SUCLG2: variants seen among roughly 807,000 people sequenced by gnomAD.
The protein encoded by SUCLG2 is succinate--CoA ligase [GDP-forming] subunit beta, mitochondrial.
In SUCLG2, 42 loss-of-function variants were observed where a neutral mutation model predicts 47.9. The observed-to-expected ratio is 0.88, with a 90% CI of 0.69 to 1.14. The LOEUF (loss-of-function observed/expected upper bound fraction) is 1.14, where lower values mean the gene tolerates loss of function less well. SUCLG2 is among the 50% of genes most tolerant of loss of function. The probability of loss-of-function intolerance (pLI) is 0.00; values close to 1 mark genes in which losing one functional copy is unlikely to be tolerated. For synonymous variants in SUCLG2, 195 were observed against 197.3 expected (o/e 0.99, Z 0.10); for missense variants, 571 against 525.9 (o/e 1.09, Z -0.84).
intron 2 of SUCLG2, among the ~76,000 whole-genome samples, chr3:67,552,545 T>C (rs147988378): frequency 8.5e-4 from 130 of 152,354 alleles, no homozygotes; most frequent in Admixed American, 2.5e-3. Context: ...CAGACATGGA[T>C]GTCTATAACA....
intron 6 of SUCLG2, among the ~76,000 whole-genome samples, chr3:67,513,136 C>T (rs1265994374): frequency 6.9e-6 from 1 of 144,990 alleles, no homozygotes; most frequent in Non-Finnish European, 1.5e-5. Flanking sequence ...TTTCACTTAG[C>T]ATAATGTCCT....
At chr3:67,463,693 A>G (rs1704394197) in intron 9 of SUCLG2, among the ~76,000 whole-genome samples, 1 of 152,174 alleles carries the variant, frequency 6.6e-6, no homozygotes, top group Non-Finnish European at 1.5e-5. Context: ...TTTAATTTAG[A>G]TACTGTTAGC....
intron 10 of SUCLG2, among the ~76,000 whole-genome samples, chr3:67,391,804 T>C (rs1702389645): frequency 6.6e-6 from 1 of 152,078 alleles, no homozygotes; most frequent in Admixed American, 6.6e-5. Context: ...CCTGGCCTCT[T>C]TGCACTTTTC....
chr3:67,624,203 T>G (rs1399996349), intron 1 of SUCLG2, among the ~76,000 whole-genome samples: 1 of 152,242 alleles, frequency 6.6e-6, no homozygotes. Context: ...TTGAGTGACC[T>G]AGCTAACTCA....
intron 9 of SUCLG2, among the ~76,000 whole-genome samples, chr3:67,417,709 C>G (rs1703067091): frequency 6.6e-6 from 1 of 152,102 alleles, no homozygotes; most frequent in East Asian, 1.9e-4. Context: ...GTACTCTTTC[C>G]CCTTTTCCTC....
chr3:67,591,134 G>C (rs1317432172), intron 2 of SUCLG2, among the ~76,000 whole-genome samples: 4 of 152,042 alleles, frequency 2.6e-5, no homozygotes, highest in Admixed American at 6.6e-5. Context: ...ATATACCCCT[G>C]GGGCTGTTTT....
chr3:67,400,950 C>T (rs777654504), intron 9 of SUCLG2, 99 bp from the exon 10 acceptor site: 65 of 1,523,620 alleles, frequency 4.3e-5, no homozygotes, highest in Non-Finnish European at 5.2e-5. Context: ...TAAGACTGCT[C>T]GTTTTTTTGT....
intron 9 of SUCLG2, among the ~76,000 whole-genome samples, chr3:67,442,012 CTTT>C (rs540149754): frequency 2.1e-5 from 3 of 139,996 alleles, no homozygotes; most frequent in African/African-American, 2.6e-5. Flanking sequence ...TACTTTCTTT[CTTT>C]TTTTTTTTTT....
intron 2 of SUCLG2, among the ~76,000 whole-genome samples, chr3:67,560,265 T>TA (rs1156866159): frequency 1.3e-5 from 2 of 152,142 alleles, no homozygotes; most frequent in Non-Finnish European, 2.9e-5. Context: ...TAGTATCTTT[T>TA]AAAAAATGAG....
At chr3:67,414,521 C>G (rs914321703) in intron 9 of SUCLG2, among the ~76,000 whole-genome samples, 1 of 152,186 alleles carries the variant, frequency 6.6e-6, no homozygotes, top group Non-Finnish European at 1.5e-5. Flanking sequence ...ACAGAAAATA[C>G]TCTGACATAC....
At chr3:67,376,612 A>T in intron 10 of SUCLG2, 1 of 644,988 alleles carries the variant, frequency 1.6e-6, no homozygotes, top group South Asian at 7.0e-5. Context: ...TTATAAACAA[A>T]GACCTTGAAA....
chr3:67,458,203 C>A (rs1238169226), intron 9 of SUCLG2, among the ~76,000 whole-genome samples: 1 of 152,106 alleles, frequency 6.6e-6, no homozygotes, highest in East Asian at 1.9e-4. Flanking sequence ...GCCTACCTAA[C>A]CCCAGGCCAG....
At chr3:67,613,398 T>A (rs76313511) in intron 1 of SUCLG2, among the ~76,000 whole-genome samples, 1 of 152,316 alleles carries the variant, frequency 6.6e-6, no homozygotes, top group African/African-American at 2.4e-5. Context: ...GTATTTTTTT[T>A]ATTATATCAC....
chr3:67,511,995 A>G (rs1426636137), intron 6 of SUCLG2, among the ~76,000 whole-genome samples: 3 of 151,036 alleles, frequency 2.0e-5, no homozygotes, highest in South Asian at 2.1e-4. Context: ...GACTACAGGC[A>G]CATGCCACTA....
At chr3:67,591,355 T>G (rs978560357) in intron 2 of SUCLG2, among the ~76,000 whole-genome samples, 1 of 152,202 alleles carries the variant, frequency 6.6e-6, no homozygotes, top group Non-Finnish European at 1.5e-5. Context: ...GAGTTTTCAA[T>G]GGACTGAGAT....
chr3:67,600,246 T>C (rs901323092), intron 2 of SUCLG2, among the ~76,000 whole-genome samples: 3 of 152,246 alleles, frequency 2.0e-5, no homozygotes, highest in Non-Finnish European at 4.4e-5. Context: ...GCAAAAGTAT[T>C]GAAAATTTTT....
chr3:67,495,336 A>G (rs531796671), intron 9 of SUCLG2, among the ~76,000 whole-genome samples: 123 of 152,306 alleles, frequency 8.1e-4, no homozygotes, highest in Non-Finnish European at 6.9e-4. Flanking sequence ...GAGTTAAATC[A>G]TCACGTATTC....
At chr3:67,405,838 A>G (rs950842088) in intron 9 of SUCLG2, among the ~76,000 whole-genome samples, 5 of 152,246 alleles carry the variant, frequency 3.3e-5, no homozygotes, top group African/African-American at 9.6e-5. Flanking sequence ...TAAAGCATTT[A>G]GCAGGTTGTA....
chr3:67,543,320 C>A (rs1273647409), intron 2 of SUCLG2, among the ~76,000 whole-genome samples: 1 of 152,152 alleles, frequency 6.6e-6, no homozygotes, highest in Non-Finnish European at 1.5e-5. Context: ...AAAAATACAC[C>A]TGTAAACAGT....
Sources: gnomAD v4.1 joint callset for allele counts (sites outside exome capture counted in the v4.1 genomes callset) on GRCh38, gnomAD v4.1.1 for gene constraint, MANE v1.5 for transcripts, NCBI Gene and HGNC (gene_info 2026-07-23, HGNC 2026-07-21) for gene names.